Variants in RGS5 observed in about 807,000 individuals in gnomAD.
RGS5 encodes regulator of G-protein signalling 5.
Under a neutral mutation model 18.9 loss-of-function variants are expected in RGS5, and 20 were observed. That is an observed-to-expected ratio of 1.06 (90% CI 0.74 to 1.54). RGS5 has a LOEUF of 1.54. Among genes scored for constraint, RGS5 ranks in the 40% most tolerant of loss-of-function variants. The probability of loss-of-function intolerance (pLI) is 0.00; values close to 1 mark genes in which losing one functional copy is unlikely to be tolerated. For missense variants in RGS5, 201 were observed against 211.8 expected, an observed-to-expected ratio of 0.95 and a Z score of 0.32; for synonymous variants, 57 against 76.2, an observed-to-expected ratio of 0.75 and a Z score of 1.31.
intron 2 of RGS5, among the ~76,000 whole-genome samples, chr1:163,243,024 T>C (rs1251656351): frequency 2.6e-5 from 4 of 152,186 alleles, no homozygotes; most frequent in Non-Finnish European, 4.4e-5. Flanking sequence ...GGTGTCTTTA[T>C]ACATAGAAGG....
At chr1:163,155,283 C>T (rs762450834) in intron 3 of RGS5, among the ~76,000 whole-genome samples, 15 of 152,226 alleles carry the variant, frequency 9.9e-5, no homozygotes, top group Middle Eastern at 3.4e-3. Flanking sequence ...GGATGTATGC[C>T]GGGATTCCAC....
intron 2 of RGS5, among the ~76,000 whole-genome samples, chr1:163,292,130 A>G (rs1263221243): frequency 6.6e-6 from 1 of 152,084 alleles, no homozygotes; most frequent in Non-Finnish European, 1.5e-5. Flanking sequence ...TATTAAGCCG[A>G]GCATCCATTA....
At chr1:163,227,725 A>T (rs1423443358) in intron 2 of RGS5, among the ~76,000 whole-genome samples, 1 of 152,166 alleles carries the variant, frequency 6.6e-6, no homozygotes, top group Non-Finnish European at 1.5e-5. Context: ...AGTCCCTTCC[A>T]CTTATGAGCC....
intron 2 of RGS5, among the ~76,000 whole-genome samples, chr1:163,297,990 T>C (rs1370603165): frequency 6.6e-6 from 1 of 152,160 alleles, no homozygotes; most frequent in Non-Finnish European, 1.5e-5. Context: ...GTTTGAAAAC[T>C]GTTGACTTGT....
intron 2 of RGS5, among the ~76,000 whole-genome samples, chr1:163,234,292 A>G (rs12723889): frequency 0.15 from 22,267 of 152,132 alleles, 1,953 homozygotes; most frequent in Non-Finnish European, 0.19. Flanking sequence ...TCAAATTTTT[A>G]CACATCTATT....
intron 1 of RGS5, among the ~76,000 whole-genome samples, chr1:163,201,722 A>G (rs1659776463): frequency 6.6e-6 from 1 of 152,152 alleles, no homozygotes; most frequent in South Asian, 2.1e-4. Flanking sequence ...TTATTTCTAG[A>G]GTGGAAGGCA....
chr1:163,318,665 T>C (rs1650094294), intron 1 of RGS5, among the ~76,000 whole-genome samples: 1 of 151,758 alleles, frequency 6.6e-6, no homozygotes, highest in South Asian at 2.1e-4. Flanking sequence ...TACTATTTAA[T>C]GGGTAGGCAG....
At chr1:163,155,312 T>G (rs1657538489) in intron 3 of RGS5, among the ~76,000 whole-genome samples, 2 of 152,216 alleles carry the variant, frequency 1.3e-5, no homozygotes, top group African/African-American at 2.4e-5. Context: ...TCACATTTAC[T>G]GACTTTCCAG....
In RGS5 at chr1:163,187,606, G is replaced by A. The variant is rs568583962; in HGVS notation, c.44+15186C>T. Among the ~76,000 whole-genome samples, 17 of 152,278 alleles carry A rather than the reference G, an allele frequency of 1.1e-4. No homozygotes were observed. In the East Asian group the frequency reaches 3.3e-3, roughly 29 times the overall value. ...TTCCATAAAAACCCAAGAGAAGTGG[G>A]TTCAGGGAGCTTCCGGATAGCTGGA... is the stretch of plus-strand genomic sequence containing the variant. On this transcript the variant is annotated intron_variant, in intron 1 of 4. Transcript: ENST00000313961.
chr1:163,153,403 T>A (rs1657454877), intron 3 of RGS5, among the ~76,000 whole-genome samples: 1 of 152,162 alleles, frequency 6.6e-6, no homozygotes, highest in South Asian at 2.1e-4. Flanking sequence ...GACTTCATTT[T>A]AGGCTAAGGG....
At chr1:163,147,990 G>A (rs1017267727) in intron 4 of RGS5, among the ~76,000 whole-genome samples, 17 of 141,138 alleles carry the variant, frequency 1.2e-4, no homozygotes, top group South Asian at 2.3e-4. Flanking sequence ...GTGCAGTGGC[G>A]CCATTTGGTT....
At chr1:163,162,849 C>T (rs1032677274) in intron 2 of RGS5, 2 of 152,184 alleles carry the variant, frequency 1.3e-5, no homozygotes, top group Admixed American at 6.5e-5. Context: ...CTCTTCGGCT[C>T]ACCCAGCTCG....
Position 163,291,462 on chromosome 1 carries a change from G to C in RGS5, c.-281+14771C>G, listed in dbSNP as rs375671123. ...AATGACAGACTACCAGGCTAGGAAG[G>C]GAGAGGAGCCAGAATTCTGCTAATG... On this transcript the variant is annotated intron_variant, in intron 2 of 5. Transcript: ENST00000618415. Among the ~76,000 whole-genome samples, 98 of 152,228 alleles carry C rather than the reference G, an allele frequency of 6.4e-4. 3 individuals are homozygous for C. In the South Asian group the frequency reaches 0.02, roughly 32 times the overall value.
intron 4 of RGS5, among the ~76,000 whole-genome samples, chr1:163,149,469 C>T (rs1275968239): frequency 6.6e-6 from 1 of 151,934 alleles, no homozygotes; most frequent in African/African-American, 2.4e-5. Context: ...TATTTAAAAC[C>T]CTCTAGGACA....
In RGS5 at chr1:163,277,731, G is replaced by A. The variant is rs138875829; in HGVS notation, c.-281+28502C>T. Among the ~76,000 whole-genome samples the A allele has an allele frequency of 9.9e-5, 15 of 152,112 alleles. No homozygotes were observed. In the South Asian group the frequency reaches 2.5e-3, roughly 25 times the overall value. On this transcript the variant is annotated intron_variant, in intron 2 of 5. Transcript: ENST00000618415. ...TGGTGCCATCCCTCTTTGAATCAAC[G>A]GGGGTCCAACATGAGAGGAACACAA...
chr1:163,156,627 A>G (rs2255642), intron 3 of RGS5, among the ~76,000 whole-genome samples: 85,898 of 151,922 alleles, frequency 0.57, 26,275 homozygotes, highest in South Asian at 0.72. Context: ...AAATCTGTGC[A>G]CCTAACATTT....
At chr1:163,180,726 G>C (rs142199993) in intron 1 of RGS5, among the ~76,000 whole-genome samples, 1 of 89,758 alleles carries the variant, frequency 1.1e-5, no homozygotes, top group African/African-American at 5.0e-5. Context: ...ACGGAGTCTC[G>C]CTCTGTTGCC....
In RGS5 at chr1:163,299,461, C is replaced by T. The variant is rs1413159508; in HGVS notation, c.-281+6772G>A. ...AAGGACTTTTGGTTTTGCCTTCGTTCTGCCACCGTAAGCTAAATATATTGT... is the reference window on the plus strand; with the variant it reads ...AAGGACTTTTGGTTTTGCCTTCGTTTTGCCACCGTAAGCTAAATATATTGT... On this transcript the variant is annotated intron_variant, in intron 2 of 5. Coordinates refer to the RGS5 transcript ENST00000618415. Among the ~76,000 whole-genome samples, 3 of 152,208 alleles carry T rather than the reference C, an allele frequency of 2.0e-5. No homozygotes were observed. In the East Asian group the frequency reaches 5.8e-4, roughly 29 times the overall value.
rs1657100010 is a variant in RGS5 at position 163,145,572 on chromosome 1, C to T, written c.*1770G>A. The stretch of plus-strand genomic sequence containing the variant: ...TCTGGACTGCTTGATGAAGGAGTTT[C>T]TTTGAAGTGAGCAATACTGGCAAAT... On this transcript the variant is annotated 3_prime_UTR_variant, in exon 5 of 5. Transcript: ENST00000313961. 1 of 152,118 alleles carries T rather than the reference C, an allele frequency of 6.6e-6. No individual in the cohort carries two copies. The highest frequency in any genetic ancestry group is 6.6e-5 in the Admixed American group (1 of 15,256). 9.4% of individuals were successfully genotyped at this position (152,118 alleles called of 1,614,324 possible). A position where few individuals can be genotyped will look rare whatever the true frequency, so the allele number is the denominator to read the frequency against.
Sources: gnomAD v4.1 joint callset for allele counts (sites outside exome capture counted in the v4.1 genomes callset) on GRCh38, gnomAD v4.1.1 for gene constraint, MANE v1.5 for transcripts, NCBI Gene and HGNC (gene_info 2026-07-23, HGNC 2026-07-21) for gene names.